Variants in OPRM1 observed in about 807,000 individuals in gnomAD.
The protein encoded by OPRM1 is mu-type opioid receptor.
OPRM1 carries 27 observed loss-of-function variants against 31.8 expected under a neutral mutation model. That is an observed-to-expected ratio of 0.85 (90% CI 0.63 to 1.17). OPRM1 has a LOEUF of 1.17. Among genes scored for constraint, OPRM1 ranks in the 50% most tolerant of loss-of-function variants. The probability of loss-of-function intolerance (pLI) is 0.00; values close to 1 mark genes in which losing one functional copy is unlikely to be tolerated. For missense variants in OPRM1, 536 were observed against 511.1 expected, an observed-to-expected ratio of 1.05 and a Z score of -0.47; for synonymous variants, 196 against 189.9, an observed-to-expected ratio of 1.03 and a Z score of -0.26.
intron 3 of OPRM1, among the ~76,000 whole-genome samples, chr6:154,201,826 C>T (rs1323855964): frequency 1.3e-5 from 2 of 152,096 alleles, no homozygotes; most frequent in Admixed American, 6.6e-5. Flanking sequence ...ACTCAAGAAG[C>T]GGAAGTTGCA....
Position 154,126,591 on chromosome 6 carries a change from A to G in OPRM1, c.*7870A>G, listed in dbSNP as rs552048031. On this transcript the variant is annotated 3_prime_UTR_variant, in exon 4 of 4. Coordinates refer to ENST00000330432, the MANE Select transcript of OPRM1 (RefSeq NM_000914.5). ...TATTCTGTATCTGGTTGTGGTGGCA[A>G]TGTCACCACCCTACACTGCTGTGAC... Among the ~76,000 whole-genome samples the G allele has an allele frequency of 9.9e-5, 15 of 152,166 alleles. No individual in the cohort carries two copies. Among genetic ancestry groups the G allele is most frequent in the African/African-American group, 3.4e-4 (14 of 41,500 alleles).
chr6:154,087,666 C>G (rs1183335308), intron 1 of OPRM1: 13 of 884,984 alleles, frequency 1.5e-5, no homozygotes, highest in Non-Finnish European at 1.8e-5. Flanking sequence ...TGAGAGCATC[C>G]TTGCCATTCA....
At chr6:154,107,461 C>T in intron 3 of OPRM1, 1 of 718,546 alleles carries the variant, frequency 1.4e-6, no homozygotes, top group Non-Finnish European at 2.6e-6. Flanking sequence ...GACTTACTTT[C>T]TAGGTGGAAT....
chr6:154,099,119 AAAAC>A (rs578109399), intron 3 of OPRM1, among the ~76,000 whole-genome samples: 1 of 152,062 alleles, frequency 6.6e-6, no homozygotes, highest in Non-Finnish European at 1.5e-5. Flanking sequence ...ATCTCTGCAA[AAAAC>A]AAACAAACAA....
chr6:154,246,283 T>G (rs1441015701), intron 3 of OPRM1, among the ~76,000 whole-genome samples: 2 of 152,158 alleles, frequency 1.3e-5, no homozygotes, highest in African/African-American at 2.4e-5. Context: ...CCTGAAACTA[T>G]TAGAATCCCT....
At chr6:154,054,058 G>A (rs1044827930) in intron 1 of OPRM1, among the ~76,000 whole-genome samples, 1 of 151,888 alleles carries the variant, frequency 6.6e-6, no homozygotes, top group Non-Finnish European at 1.5e-5. Flanking sequence ...CTGAATCCTG[G>A]TGGTACCTTA....
intron 3 of OPRM1, among the ~76,000 whole-genome samples, chr6:154,230,700 A>AT (rs1046969989): frequency 3.3e-5 from 5 of 152,144 alleles, no homozygotes; most frequent in African/African-American, 9.7e-5. Context: ...TTATATCTCT[A>AT]TTTTCAATGA....
chr6:154,204,947 CT>C (rs1385445238), intron 3 of OPRM1, among the ~76,000 whole-genome samples: 1 of 152,230 alleles, frequency 6.6e-6, no homozygotes, highest in African/African-American at 2.4e-5. Context: ...CACTGGCCTT[CT>C]TTCTGTCCCA....
intron 3 of OPRM1, among the ~76,000 whole-genome samples, chr6:154,137,375 G>T (rs549118806): frequency 2.6e-5 from 4 of 152,108 alleles, no homozygotes; most frequent in Admixed American, 1.3e-4. Context: ...GCATGCTTGT[G>T]CAAGACTAAT....
intron 3 of OPRM1, among the ~76,000 whole-genome samples, chr6:154,244,075 A>C (rs1283824664): frequency 6.6e-6 from 1 of 151,862 alleles, no homozygotes; most frequent in African/African-American, 2.4e-5. Context: ...TTCTGCTCTT[A>C]GGTGCTTAGG....
chr6:154,091,682 C>T (rs1370773694), intron 3 of OPRM1: 8 of 1,328,530 alleles, frequency 6.0e-6, no homozygotes, highest in Non-Finnish European at 7.7e-6. Context: ...TATAAAGATA[C>T]ACCAATGAGA....
At chr6:154,099,656 C>CGTATATACATATATACAT (rs1562470660) in intron 3 of OPRM1, among the ~76,000 whole-genome samples, 1 of 25,994 alleles carries the variant, frequency 3.8e-5, no homozygotes, top group Non-Finnish European at 7.1e-5. Context: ...TATATACACA[C>CGTATATACATATATACAT]ATGTATATAC....
intron 3 of OPRM1, among the ~76,000 whole-genome samples, chr6:154,205,002 G>A (rs561781306): frequency 5.2e-4 from 79 of 152,222 alleles, no homozygotes; most frequent in African/African-American, 1.9e-3. Flanking sequence ...CTTCCCTGTG[G>A]ATGTTGGGTG....
At chr6:154,035,537 A>C (rs535545610), upstream of OPRM1, among the ~76,000 whole-genome samples, 2 of 152,088 alleles carry the variant, frequency 1.3e-5, no homozygotes, top group East Asian at 3.8e-4. Flanking sequence ...GCTTCAAACC[A>C]CTGTAATTGT....
At chr6:154,030,726 C>G (rs1778962208) in intron 1 of OPRM1, among the ~76,000 whole-genome samples, 5 of 152,072 alleles carry the variant, frequency 3.3e-5, no homozygotes, top group African/African-American at 1.2e-4. Flanking sequence ...CCCATCTCTA[C>G]TAAAAATACA....
intron 3 of OPRM1, among the ~76,000 whole-genome samples, chr6:154,162,589 T>G (rs140679155): frequency 6.6e-6 from 1 of 152,366 alleles, no homozygotes; most frequent in East Asian, 1.9e-4. Flanking sequence ...TCCTGATTTT[T>G]CTTGTACCAC....
In OPRM1 at chr6:154,089,733, C is replaced by A. The variant is rs1791578375; in HGVS notation, c.291-93C>A. Reference sequence around the variant, plus strand: ...CTATATCTAATCTCAAAAAAGCTTTCTACTAATTCATGCAAATTTATTATT... The same window carrying A: ...CTATATCTAATCTCAAAAAAGCTTTATACTAATTCATGCAAATTTATTATT... On this transcript the variant is annotated intron_variant, in intron 1 of 3. Transcript: ENST00000330432. 5 of 857,436 alleles carry A rather than the reference C, an allele frequency of 5.8e-6. No individual in the cohort carries two copies. The African/African-American group carries it at 6.8e-5, about 12-fold the overall frequency. 53.1% of individuals were successfully genotyped at this position (857,436 alleles called of 1,614,324 possible).
chr6:154,065,677 G>A (rs1785252758), intron 1 of OPRM1, among the ~76,000 whole-genome samples: 1 of 151,520 alleles, frequency 6.6e-6, no homozygotes, highest in Non-Finnish European at 1.5e-5. Flanking sequence ...GGAATCTTTA[G>A]TATTTTCTAC....
Position 154,039,570 on chromosome 6 carries a change from A to G in OPRM1, c.26A>G (p.Asn9Ser). ...ATGGACAGCAGCGCTGCCCCCACGA[A>G]CGCCAGCAATTGCACTGATGCCTTG... Reference protein sequence around the residue: MDSSAAPTNASNCTDALAY... With the variant: MDSSAAPTSASNCTDALAY... Residue 9 changes from asparagine to serine, a missense_variant, in exon 1 of 4, where the codon AAC becomes AGC. Coordinates refer to ENST00000330432, the MANE Select transcript of OPRM1 (RefSeq NM_000914.5). The G allele has an allele frequency of 6.2e-7, 1 of 1,613,068 alleles. No individual in the cohort carries two copies. The highest frequency in any genetic ancestry group is 8.5e-7 in the Non-Finnish European group (1 of 1,179,638).
Sources: gnomAD v4.1 joint callset for allele counts (sites outside exome capture counted in the v4.1 genomes callset) on GRCh38, gnomAD v4.1.1 for gene constraint, MANE v1.5 for transcripts, NCBI Gene and HGNC (gene_info 2026-07-23, HGNC 2026-07-21) for gene names.